AMBRA1: variants seen among roughly 807,000 people sequenced by gnomAD.
AMBRA1 encodes the protein autophagy and beclin 1 regulator 1, also known as activating molecule in BECN1-regulated autophagy protein 1.
Under a neutral mutation model 125.4 loss-of-function variants are expected in AMBRA1, and 47 were observed. That is an observed-to-expected ratio of 0.37 (90% CI 0.30 to 0.48). The LOEUF is 0.48. Among genes scored for constraint, AMBRA1 ranks in the 20% least tolerant of loss-of-function variants. The pLI, the probability that AMBRA1 is intolerant of heterozygous loss-of-function variation, is 0.99. For synonymous variants in AMBRA1, 626 were observed against 655.5 expected, an observed-to-expected ratio of 0.95 and a Z score of 0.69; for missense variants, 1,331 against 1,693.4, an observed-to-expected ratio of 0.79 and a Z score of 3.76.
chr11:46,427,092 T>C (rs1486577959), intron 14 of AMBRA1, among the ~76,000 whole-genome samples: 1 of 150,828 alleles, frequency 6.6e-6, no homozygotes, highest in Non-Finnish European at 1.5e-5. Flanking sequence ...ATAAGTTCAA[T>C]TCAAGGGCAG....
At chr11:46,484,140 G>A (rs1252915004) in intron 11 of AMBRA1, among the ~76,000 whole-genome samples, 3 of 152,198 alleles carry the variant, frequency 2.0e-5, no homozygotes, top group African/African-American at 7.2e-5. Context: ...GGGGCCCAAG[G>A]TAGGGGATAT....
intron 11 of AMBRA1, among the ~76,000 whole-genome samples, chr11:46,467,323 C>T (rs918812840): frequency 1.3e-5 from 2 of 152,090 alleles, no homozygotes; most frequent in African/African-American, 4.8e-5. Context: ...AGTTACATCC[C>T]ATGTTTGGGT....
intron 11 of AMBRA1, among the ~76,000 whole-genome samples, chr11:46,458,123 T>C (rs1211207047): frequency 2.0e-5 from 3 of 152,180 alleles, no homozygotes; most frequent in African/African-American, 7.2e-5. Context: ...GAACCAGGCA[T>C]ATGCTGTGGA....
intron 4 of AMBRA1, 68 bp from the exon 5 acceptor site, chr11:46,545,844 A>G: frequency 2.7e-6 from 4 of 1,503,718 alleles, no homozygotes; most frequent in Non-Finnish European, 3.7e-6. Context: ...GTCAATTTCA[A>G]GAAAGGTCCA....
chr11:46,543,999 T>A lies in AMBRA1; in HGVS notation c.594A>T (p.Ala198=). Residue 198 remains alanine, a synonymous_variant, in exon 6 of 18, where the codon GCA becomes GCT. Coordinates refer to ENST00000683756, the MANE Select transcript of AMBRA1 (RefSeq NM_001387011.1). ...CCTGTTGATTAGAGGGGTTAACAAT[T>A]GCTGTGAGTAAGTAGTGTCCAAGTG... ...FDPLGHYLLT[A]IVNPSNQQGD... The A allele has an allele frequency of 6.2e-7, 1 of 1,614,046 alleles. No homozygotes were observed. Among genetic ancestry groups the A allele is most frequent in the Non-Finnish European group, 8.5e-7 (1 of 1,179,954 alleles).
At chr11:46,459,435 A>G (rs2136826529) in intron 11 of AMBRA1, among the ~76,000 whole-genome samples, 1 of 152,294 alleles carries the variant, frequency 6.6e-6, no homozygotes, top group East Asian at 1.9e-4. Flanking sequence ...ACTTATATTT[A>G]TAACAACTTA....
At chr11:46,488,107 A>T (rs1232310683) in intron 11 of AMBRA1, among the ~76,000 whole-genome samples, 2 of 152,264 alleles carry the variant, frequency 1.3e-5, no homozygotes, top group Admixed American at 6.5e-5. Context: ...AACACATATC[A>T]GTCGTAGACA....
intron 7 of AMBRA1, among the ~76,000 whole-genome samples, chr11:46,532,369 G>A (rs1288380677): frequency 2.0e-5 from 3 of 152,148 alleles, no homozygotes; most frequent in Non-Finnish European, 2.9e-5. Flanking sequence ...AACTTGAGGA[G>A]GAAGCTCCTG....
At chr11:46,501,427 G>T (rs1950833774) in intron 9 of AMBRA1, among the ~76,000 whole-genome samples, 1 of 152,214 alleles carries the variant, frequency 6.6e-6, no homozygotes, top group African/African-American at 2.4e-5. Context: ...ACCCTGAGCT[G>T]CCAGGATAGG....
chr11:46,424,505 T>G (rs1036817257), intron 14 of AMBRA1, among the ~76,000 whole-genome samples: 1 of 152,242 alleles, frequency 6.6e-6, no homozygotes, highest in Non-Finnish European at 1.5e-5. Context: ...AGGAATCTAC[T>G]TCTGTGCTAA....
Position 46,542,129 on chromosome 11 carries a change from T to C in AMBRA1, c.1888A>G (p.Ser630Gly). The C allele has an allele frequency of 6.2e-7, 1 of 1,614,110 alleles. No individual in the cohort carries two copies. Among genetic ancestry groups the C allele is most frequent in the African/African-American group, 1.3e-5 (1 of 75,060 alleles). Residue 630 changes from serine (S) to glycine (G), a missense_variant, in exon 7 of 18, where the codon AGC (serine) becomes GGC (glycine). Coordinates refer to ENST00000683756, the MANE Select transcript of AMBRA1 (RefSeq NM_001387011.1). This position sits in a 1 kb window ranked among gnomAD's most constrained non-coding sequence, Gnocchi z 5.9. Reference protein sequence around the residue: ...ERTEGQTPSSSRLELSSSASP... With the variant: ...ERTEGQTPSSGRLELSSSASP... Reference sequence around the variant, plus strand: ...GCAGAGCTGCTCAACTCCAGCCTGCTGGAGCTGGGCGTTTGGCCCTCAGTC... The same window carrying C: ...GCAGAGCTGCTCAACTCCAGCCTGCCGGAGCTGGGCGTTTGGCCCTCAGTC...
At chr11:46,535,545 G>A (rs748481613) in intron 7 of AMBRA1, among the ~76,000 whole-genome samples, 6 of 152,092 alleles carry the variant, frequency 3.9e-5, no homozygotes, top group South Asian at 2.1e-4. Flanking sequence ...AAGAACCTTC[G>A]CATTTAAATT....
Position 46,508,350 on chromosome 11 carries a change from T to G in AMBRA1, c.2180A>C (p.Tyr727Ser). Residue 727 changes from tyrosine (Y) to serine (S), a missense_variant, in exon 9 of 18, where the codon TAC (tyrosine) becomes TCC (serine). This residue lies in a region of AMBRA1 where 689 missense variants were observed against 776.5 expected (regional missense o/e 0.89). Transcript: ENST00000683756. ...GAGATACTGGATCATCCTCTGGGCG[T>G]AGTATGCAGCAGGAGATAATCTGAG... ...DPARLSPAAY[Y>S]AQRMIQYLSR... is the part of the protein sequence containing the mutation. 1 of 1,614,090 alleles carries G rather than the reference T, an allele frequency of 6.2e-7. No individual in the cohort carries two copies. The highest frequency in any genetic ancestry group is 8.5e-7 in the Non-Finnish European group (1 of 1,180,000).
At chr11:46,507,023 A>G (rs905267270) in intron 9 of AMBRA1, among the ~76,000 whole-genome samples, 25 of 149,018 alleles carry the variant, frequency 1.7e-4, no homozygotes, top group African/African-American at 6.2e-4. Context: ...AAAAAAAAAA[A>G]AAAATTAGCC....
chr11:46,403,954 C>A (rs1256212536), intron 17 of AMBRA1, among the ~76,000 whole-genome samples: 2 of 152,166 alleles, frequency 1.3e-5, no homozygotes, highest in Non-Finnish European at 2.9e-5. Flanking sequence ...AATCCCAGTA[C>A]TTTGGGAGGC....
chr11:46,563,531 A>C (rs1475456686), intron 1 of AMBRA1, among the ~76,000 whole-genome samples: 1 of 152,094 alleles, frequency 6.6e-6, no homozygotes, highest in African/African-American at 2.4e-5. Context: ...CCTGATGAGA[A>C]ACCTCATTTC....
intron 1 of AMBRA1, among the ~76,000 whole-genome samples, chr11:46,570,000 G>A (rs925082312): frequency 3.3e-5 from 5 of 150,944 alleles, no homozygotes; most frequent in African/African-American, 7.3e-5. Context: ...GGTGGCTCAC[G>A]CCTGTAATCC....
intron 17 of AMBRA1, among the ~76,000 whole-genome samples, chr11:46,399,623 C>G (rs545548973): frequency 9.5e-4 from 144 of 152,254 alleles, no homozygotes; most frequent in African/African-American, 3.0e-3. Flanking sequence ...CCTAGGCCTC[C>G]CAAAGTGTTG....
At chr11:46,582,110 CAAA>C (rs753222142) in intron 1 of AMBRA1, among the ~76,000 whole-genome samples, 12 of 79,730 alleles carry the variant, frequency 1.5e-4, no homozygotes, top group Admixed American at 1.4e-4. Flanking sequence ...GACCCTGTCT[CAAA>C]AAAAAAAAAA....
Sources: allele counts gnomAD v4.1 joint callset (sites outside exome capture counted in the v4.1 genomes callset), GRCh38; gene constraint gnomAD v4.1.1; regional missense constraint gnomAD v4.1.1; non-coding constraint Gnocchi (gnomAD v3.1); transcripts MANE v1.5; gene names NCBI Gene and HGNC (gene_info 2026-07-23, HGNC 2026-07-21).